PAK3: variants seen among roughly 807,000 people sequenced by gnomAD.
PAK3 encodes p21 (RAC1) activated kinase 3, also known as serine/threonine-protein kinase PAK 3.
PAK3 carries 4 observed loss-of-function variants against 41.0 expected under a neutral mutation model. That is an observed-to-expected ratio of 0.10 (90% confidence interval 0.05 to 0.22). The LOEUF (loss-of-function observed/expected upper bound fraction) is 0.22, where lower values mean the gene tolerates loss of function less well. PAK3 is among the 10% of genes least tolerant of loss of function. PAK3 has a pLI of 1.00. For synonymous variants in PAK3, 146 were observed against 139.6 expected, an observed-to-expected ratio of 1.05 and a Z score of -0.32; for missense variants, 205 against 409.9, an observed-to-expected ratio of 0.50 and a Z score of 4.32.
chrX:111,073,882 C>G (rs982531775), intron 1 of PAK3, among the ~76,000 whole-genome samples: 1 of 111,938 alleles, frequency 8.9e-6, no homozygotes, highest in South Asian at 3.7e-4. Flanking sequence ...ATACCAAAAA[C>G]TGACAAAGAC....
rs758786056 is a variant in PAK3 at position 110,993,145 on chromosome X, CA to C, written c.-28+48519del. Reference sequence around the variant, plus strand: ...ATCTAGAAACTGTACTTTGATTATGCAATCTAAAATTGTGCTCTGTTTTTAG... The same window carrying C: ...ATCTAGAAACTGTACTTTGATTATGCATCTAAAATTGTGCTCTGTTTTTAG... On this transcript the variant is annotated intron_variant, in intron 1 of 14. Coordinates refer to the PAK3 transcript ENST00000425146. Among the ~76,000 whole-genome samples the C allele has an allele frequency of 1.5e-4, 17 of 111,671 alleles. No individual in the cohort carries two copies. The East Asian group carries it at 3.1e-3, about 20-fold the overall frequency.
chrX:111,022,275 G>A (rs973428833), intron 1 of PAK3, among the ~76,000 whole-genome samples: 1 of 111,852 alleles, frequency 8.9e-6, no homozygotes, highest in Admixed American at 9.5e-5. Context: ...GAGCTGTGAG[G>A]CAAAAGCATC....
rs2093863266 is a variant in PAK3 at position 111,140,999 on chromosome X, G to A, written c.176-1097G>A. Among the ~76,000 whole-genome samples, 3 of 111,938 alleles carry A rather than the reference G, an allele frequency of 2.7e-5. No individual in the cohort carries two copies. In the South Asian group the frequency reaches 1.1e-3, roughly 42 times the overall value. On this transcript the variant is annotated intron_variant, in intron 5 of 17. Transcript: ENST00000372007. ...TGAACCAGAATGTTCTAAATTGACCGCCCTGGCAATTCTGAAGTTGATTGG... is the reference window on the plus strand; with the variant it reads ...TGAACCAGAATGTTCTAAATTGACCACCCTGGCAATTCTGAAGTTGATTGG...
At chrX:111,123,031 A>G (rs1019551315) in intron 4 of PAK3, 46 bp from the exon 5 acceptor site, 2 of 742,979 alleles carry the variant, frequency 2.7e-6, no homozygotes, top group Non-Finnish European at 4.3e-6. Context: ...TTAGGTTTTT[A>G]GACCTCTTCT....
At chrX:111,018,084 T>C (rs1012049941) in intron 1 of PAK3, among the ~76,000 whole-genome samples, 4 of 110,979 alleles carry the variant, frequency 3.6e-5, no homozygotes, top group Non-Finnish European at 7.6e-5. Flanking sequence ...AGAAGAAAAC[T>C]ACCTCAACAT....
chrX:110,981,985 G>A (rs2091455191), intron 1 of PAK3, among the ~76,000 whole-genome samples: 1 of 110,881 alleles, frequency 9.0e-6, no homozygotes, highest in South Asian at 3.9e-4. Context: ...CTAGAAATTG[G>A]GATAATGCTG....
intron 1 of PAK3, among the ~76,000 whole-genome samples, chrX:111,036,242 G>A (rs968622665): frequency 8.9e-6 from 1 of 112,397 alleles, no homozygotes; most frequent in African/African-American, 3.2e-5. Flanking sequence ...CCCAACAACA[G>A]CTGTTTCCTC....
At chrX:111,025,296 G>A (rs940493671) in intron 1 of PAK3, among the ~76,000 whole-genome samples, 2 of 110,781 alleles carry the variant, frequency 1.8e-5, no homozygotes, top group African/African-American at 6.5e-5. Flanking sequence ...ACGAAGATCA[G>A]AGCAGAACTA....
At chrX:111,204,483 G>A (rs1055729351) in intron 16 of PAK3, among the ~76,000 whole-genome samples, 4 of 111,137 alleles carry the variant, frequency 3.6e-5, no homozygotes, top group South Asian at 3.8e-4. Context: ...TGTGATGATC[G>A]GCATTTGCGC....
intron 16 of PAK3, among the ~76,000 whole-genome samples, chrX:111,198,304 T>C (rs1045447800): frequency 8.9e-6 from 1 of 112,713 alleles, no homozygotes; most frequent in African/African-American, 3.2e-5. Flanking sequence ...TAGTTTCTTT[T>C]GCTGTGCAGA....
At chrX:110,947,863 C>G (rs905394617) in intron 1 of PAK3, among the ~76,000 whole-genome samples, 4 of 111,461 alleles carry the variant, frequency 3.6e-5, no homozygotes, top group Non-Finnish European at 7.5e-5. Flanking sequence ...TTCCTTCCTT[C>G]CCCCCTCTTT....
At chrX:110,956,239 G>T (rs542935526) in intron 1 of PAK3, among the ~76,000 whole-genome samples, 1 of 111,874 alleles carries the variant, frequency 8.9e-6, no homozygotes, top group Non-Finnish European at 1.9e-5. Flanking sequence ...GTGTAATGGG[G>T]ATAATAATAG....
chrX:111,021,988 A>T (rs1417744054), intron 1 of PAK3, among the ~76,000 whole-genome samples: 1 of 111,764 alleles, frequency 8.9e-6, no homozygotes, highest in Non-Finnish European at 1.9e-5. Flanking sequence ...AGAAAAAAGA[A>T]TTTTTAAAAA....
intron 1 of PAK3, among the ~76,000 whole-genome samples, chrX:110,946,827 A>G (rs2090629830): frequency 8.9e-6 from 1 of 112,855 alleles, no homozygotes; most frequent in African/African-American, 3.2e-5. Context: ...CAAACTGTAT[A>G]TAAAATAGAA....
At chrX:111,111,923 T>C (rs1212455209) in intron 4 of PAK3, among the ~76,000 whole-genome samples, 2 of 111,545 alleles carry the variant, frequency 1.8e-5, no homozygotes, top group African/African-American at 3.3e-5. Context: ...TCTCTTGACA[T>C]CTCTCTTCTC....
chrX:110,979,519 G>A (rs1006063476), intron 1 of PAK3, among the ~76,000 whole-genome samples: 3 of 110,516 alleles, frequency 2.7e-5, no homozygotes, highest in Non-Finnish European at 3.8e-5. Context: ...GGATGGTCTC[G>A]ATCTCCTGAC....
chrX:111,012,186 C>A (rs1049858452), intron 1 of PAK3, among the ~76,000 whole-genome samples: 9 of 111,708 alleles, frequency 8.1e-5, no homozygotes, highest in African/African-American at 2.9e-4. Flanking sequence ...TTTTAATTTA[C>A]TTATGGAAAA....
At chrX:110,990,453 A>G (rs2091622880) in intron 1 of PAK3, among the ~76,000 whole-genome samples, 1 of 111,718 alleles carries the variant, frequency 9.0e-6, no homozygotes, top group African/African-American at 3.3e-5. Flanking sequence ...CCTGAGAAGA[A>G]GGGACATAGC....
At chrX:111,093,730 A>G (rs1165756337), upstream of PAK3, among the ~76,000 whole-genome samples, 3 of 112,078 alleles carry the variant, frequency 2.7e-5, no homozygotes, top group Non-Finnish European at 5.6e-5. Flanking sequence ...GCTACTTTCT[A>G]CAATCACTAG....
Sources: gnomAD v4.1 joint callset for allele counts (sites outside exome capture counted in the v4.1 genomes callset) on GRCh38, gnomAD v4.1.1 for gene constraint, MANE v1.5 for transcripts, NCBI Gene and HGNC (gene_info 2026-07-23, HGNC 2026-07-21) for gene names.